CIT: variants seen among roughly 807,000 people sequenced by gnomAD.
CIT encodes citron rho-interacting serine/threonine kinase.
CIT carries 79 observed loss-of-function variants against 272.7 expected under a neutral mutation model. The ratio of observed to expected loss-of-function variants is 0.29; its 90% CI spans 0.24 to 0.35. The LOEUF (loss-of-function observed/expected upper bound fraction) is 0.35. CIT is among the 10% of genes least tolerant of loss of function. CIT has a pLI of 1.00. For synonymous variants in CIT, 948 were observed against 995.6 expected, an observed-to-expected ratio of 0.95 and a Z score of 0.90; for missense variants, 1,909 against 2,618.3, an observed-to-expected ratio of 0.73 and a Z score of 5.91.
At chr12:119,753,943 A>G (rs1960605543) in intron 22 of CIT, among the ~76,000 whole-genome samples, 1 of 152,188 alleles carries the variant, frequency 6.6e-6, no homozygotes. Flanking sequence ...GTAGTCTACT[A>G]GTAAGACAAT....
chr12:119,735,228 G>T lies in CIT; in HGVS notation c.3088C>A (p.Arg1030=). Residue 1030 remains arginine (R), a synonymous_variant, in exon 25 of 48, where the codon CGA becomes AGA. Transcript: ENST00000392521. ...CGGCGGAGATGGTCCACTTCACTTCGCAGTTGTACAATCTCGTCGTTGGCG... is the reference window on the plus strand; with the variant it reads ...CGGCGGAGATGGTCCACTTCACTTCTCAGTTGTACAATCTCGTCGTTGGCG... ...SGANDEIVQL[R]SEVDHLRREI... 1 of 1,614,118 alleles carries T rather than the reference G, an allele frequency of 6.2e-7. No homozygotes were observed. The highest frequency in any genetic ancestry group is 8.5e-7 in the Non-Finnish European group (1 of 1,180,026).
In CIT at chr12:119,735,319, G is replaced by A. The variant is rs2301657; in HGVS notation, c.2997C>T (p.Thr999=). ...GGTTGTTGAGTTCAGCGTTGTCCTC[G>A]GTCAGCTGGTTTAGCTGCTCCTCCA... ...TDLEEQLNQL[T]EDNAELNNQN... Residue 999 remains threonine, a synonymous_variant, in exon 25 of 48, where the codon ACC becomes ACT. Transcript: ENST00000392521. The A allele has an allele frequency of 2.2e-5, 36 of 1,614,006 alleles. No individual in the cohort carries two copies. Among genetic ancestry groups the A allele is most frequent in the East Asian group, 6.7e-5 (3 of 44,892 alleles).
intron 26 of CIT, among the ~76,000 whole-genome samples, chr12:119,733,391 G>A (rs972354033): frequency 2.0e-5 from 3 of 151,630 alleles, no homozygotes; most frequent in Non-Finnish European, 1.5e-5. Flanking sequence ...AAAATTAGCC[G>A]GGCATAGTGG....
At chr12:119,701,552 C>T in intron 43 of CIT, 72 bp downstream of exon 43, 1 of 1,559,438 alleles carries the variant, frequency 6.4e-7, no homozygotes, top group Non-Finnish European at 8.7e-7. Context: ...TCCATGTACC[C>T]TCCTCCAACC....
At chr12:119,860,589 G>A (rs568323676) in intron 3 of CIT, among the ~76,000 whole-genome samples, 60 of 152,152 alleles carry the variant, frequency 3.9e-4, no homozygotes, top group African/African-American at 1.4e-3. Context: ...GCCTTGGATT[G>A]TTTACAAAGT....
intron 5 of CIT, among the ~76,000 whole-genome samples, chr12:119,842,201 C>G (rs1298981600): frequency 6.6e-6 from 1 of 151,792 alleles, no homozygotes; most frequent in Non-Finnish European, 1.5e-5. Context: ...CCAGCCTGAC[C>G]AATATGGTGA....
intron 9 of CIT, among the ~76,000 whole-genome samples, chr12:119,810,828 G>A (rs1966841076): frequency 6.6e-6 from 1 of 152,072 alleles, no homozygotes; most frequent in Non-Finnish European, 1.5e-5. Context: ...AGAAGAGGAA[G>A]ATATCCCATA....
chr12:119,767,698 T>G (rs1042509140), intron 18 of CIT, among the ~76,000 whole-genome samples: 5 of 152,246 alleles, frequency 3.3e-5, no homozygotes, highest in African/African-American at 1.2e-4. Context: ...TGATTTTAAC[T>G]GACTGGTAAG....
rs148943660 is a variant in CIT, at chr12:119,802,128, A to G, written c.1295+1078T>C. On this transcript the variant is annotated intron_variant, in intron 10 of 47. Transcript: ENST00000392521. ...AGCTACAAATACCACAAAGAGGGAA[A>G]GATGCTGCCAAGAAGAATATCAAAT... 3.7e-3 allele frequency among the ~76,000 whole-genome samples: 563 copies of G among 152,344 alleles called. 3 individuals carry two copies. Among genetic ancestry groups the G allele is most frequent in the African/African-American group, 0.013 (531 of 41,584 alleles).
intron 4 of CIT, among the ~76,000 whole-genome samples, chr12:119,856,776 T>G (rs1295009253): frequency 6.6e-6 from 1 of 152,238 alleles, no homozygotes; most frequent in Non-Finnish European, 1.5e-5. Context: ...GGTAAGCACC[T>G]GCTTTATACA....
In CIT at chr12:119,758,579, T is replaced by C; in HGVS notation, c.2531+12A>G. On this transcript the variant is annotated intron_variant, in intron 21 of 47. Coordinates refer to ENST00000392521, the MANE Select transcript of CIT (RefSeq NM_001206999.2). ...TGTAATAATGTAGGGCAGTTAGAAT[T>C]TGAATACTTACATGTTCCTTTGGGT... 2 of 1,556,066 alleles carry C rather than the reference T, an allele frequency of 1.3e-6. No homozygotes were observed. Among genetic ancestry groups the C allele is most frequent in the Non-Finnish European group, 1.8e-6 (2 of 1,127,254 alleles).
Position 119,710,156 on chromosome 12 carries a change from C to G in CIT, c.5071+95G>C, listed in dbSNP as rs1456302278. ...AGAGATAAGAGCTACAACGGCTCCT[C>G]TCTACTATTTTGTGTTTTACGAGCA... On this transcript the variant is annotated intron_variant, in intron 39 of 47. Coordinates refer to ENST00000392521, the MANE Select transcript of CIT (RefSeq NM_001206999.2). The surrounding 1 kb of genome is among the most constrained non-coding windows in gnomAD (Gnocchi z 5.6). 3 of 1,381,814 alleles carry G rather than the reference C, an allele frequency of 2.2e-6. No homozygotes were observed. The highest frequency in any genetic ancestry group is 3.0e-6 in the Non-Finnish European group (3 of 1,002,912). The allele number at this position is 1,381,814 out of a possible 1,614,324, so 85.6% of individuals were successfully genotyped here.
chr12:119,825,695 G>A (rs1230054560), intron 7 of CIT, among the ~76,000 whole-genome samples: 1 of 152,136 alleles, frequency 6.6e-6, no homozygotes, highest in East Asian at 1.9e-4. Flanking sequence ...TTGACATGAT[G>A]GAACTTCTCT....
intron 7 of CIT, among the ~76,000 whole-genome samples, chr12:119,826,153 T>G (rs1398220781): frequency 6.6e-6 from 1 of 152,168 alleles, no homozygotes; most frequent in Non-Finnish European, 1.5e-5. Context: ...AAACTGCCTT[T>G]GGAATTAACG....
intron 2 of CIT, among the ~76,000 whole-genome samples, chr12:119,872,707 T>C (rs914250369): frequency 1.3e-5 from 2 of 151,960 alleles, no homozygotes; most frequent in Non-Finnish European, 2.9e-5. Context: ...AAAGATGGAG[T>C]CTGATCTTGG....
chr12:119,782,505 C>T lies in CIT; in HGVS notation c.1665+13G>A. 1.5e-5 allele frequency: 24 copies of T among 1,613,062 alleles called. No individual in the cohort carries two copies. The highest frequency in any genetic ancestry group is 2.0e-5 in the Non-Finnish European group (24 of 1,179,570). On this transcript the variant is annotated intron_variant, in intron 13 of 47. Transcript: ENST00000392521. ...GCCGAGATGCTGCTGTGCTCCCAGGCAAGCAGGCCTACCTGCTCTTTGATT... is the reference window on the plus strand; with the variant it reads ...GCCGAGATGCTGCTGTGCTCCCAGGTAAGCAGGCCTACCTGCTCTTTGATT...
At chr12:119,856,664 G>A (rs183881832) in intron 4 of CIT, among the ~76,000 whole-genome samples, 4 of 152,152 alleles carry the variant, frequency 2.6e-5, no homozygotes, top group African/African-American at 9.6e-5. Context: ...CCCCATCGGT[G>A]AGAACTGTCC....
chr12:119,729,899 T>C (rs1958336305), intron 27 of CIT, among the ~76,000 whole-genome samples: 1 of 152,228 alleles, frequency 6.6e-6, no homozygotes, highest in South Asian at 2.1e-4. Context: ...TTTGGTGATC[T>C]GTAACGCTGA....
chr12:119,717,002 TG>T (rs2137104962), intron 32 of CIT, among the ~76,000 whole-genome samples: 1 of 152,332 alleles, frequency 6.6e-6, no homozygotes, highest in South Asian at 2.1e-4. Context: ...TATACTGTAG[TG>T]TGCTATGATA....
Sources: allele counts gnomAD v4.1 joint callset (sites outside exome capture counted in the v4.1 genomes callset), GRCh38; gene constraint gnomAD v4.1.1; non-coding constraint Gnocchi (gnomAD v3.1); transcripts MANE v1.5; gene names NCBI Gene and HGNC (gene_info 2026-07-23, HGNC 2026-07-21).